The following WDR45B variants were observed in gnomAD, a reference collection of about 807,000 sequenced individuals.
The protein encoded by WDR45B is WD repeat domain phosphoinositide-interacting protein 3.
Under a neutral mutation model 44.6 loss-of-function variants are expected in WDR45B, and 20 were observed. The observed-to-expected ratio is 0.45, with a 90% CI of 0.32 to 0.65. The LOEUF (loss-of-function observed/expected upper bound fraction) is 0.65, where lower values mean the gene tolerates loss of function less well. WDR45B is among the 30% of genes least tolerant of loss of function. The pLI is 0.05. For synonymous variants in WDR45B, 169 were observed against 164.9 expected (o/e 1.02, Z -0.19); for missense variants, 323 against 430.2 (o/e 0.75, Z 2.20).
At chr17:82,621,919 C>A in intron 5 of WDR45B, 120 bp from the exon 6 acceptor site, 1 of 1,134,978 alleles carries the variant, frequency 8.8e-7, no homozygotes, top group Non-Finnish European at 1.3e-6. Flanking sequence ...AATATCAGAA[C>A]CACAAATTCA....
chr17:82,624,704 T>C (rs1225080165), intron 5 of WDR45B, among the ~76,000 whole-genome samples: 4 of 149,170 alleles, frequency 2.7e-5, no homozygotes, highest in African/African-American at 4.9e-5. Context: ...CTGCGACCTC[T>C]ACCTCCTGGG....
rs1253586806 is a variant in WDR45B, at chr17:82,621,621, A to G, written c.606T>C (p.Thr202=). 1.2e-6 allele frequency: 2 copies of G among 1,614,086 alleles called. No homozygotes were observed. Among genetic ancestry groups the G allele is most frequent in the African/African-American group, 2.7e-5 (2 of 74,924 alleles). ...ALNLQGTRIA[T]ASEKGTLIRI... ...GTGGCACACTTACTTTCTCGGATGC[A>G]GTTGCAATTCTTGTTCCCTGCAGGT... Residue 202 remains threonine, a synonymous_variant, in exon 6 of 10, where the codon ACT becomes ACC. Coordinates refer to ENST00000392325, the MANE Select transcript of WDR45B (RefSeq NM_019613.4).
At chr17:82,625,720 G>A (rs2045687408) in intron 4 of WDR45B, 1 of 526,718 alleles carries the variant, frequency 1.9e-6, no homozygotes, top group Non-Finnish European at 3.4e-6. Flanking sequence ...GTCAGCCTAA[G>A]AGACGTCTCT....
At position 82,643,904 on chromosome 17, in the gene WDR45B, G is replaced by A. The variant is rs774279536; in HGVS notation, c.142+45C>T. The A allele has an allele frequency of 3.1e-6, 5 of 1,593,552 alleles. No individual in the cohort carries two copies. In the Admixed American group the frequency reaches 6.8e-5, roughly 22 times the overall value. ...TGCAAGGTTAAATTTAAGACTCCGA[G>A]GGTTGGAAAGGGGAGAAACCAGAAA... On this transcript the variant is annotated intron_variant, in intron 2 of 9. Transcript: ENST00000392325.
At position 82,617,956 on chromosome 17, in the gene WDR45B, T is replaced by G. The variant is rs565652683; in HGVS notation, c.705-559A>C. On this transcript the variant is annotated intron_variant, in intron 7 of 9. Coordinates refer to ENST00000392325, the MANE Select transcript of WDR45B (RefSeq NM_019613.4). ...TCTTTTTTTTTTTTTTGAGACAGAG[T>G]CTCGCTCTCTTGCCCAGGATAGAGC... Among the ~76,000 whole-genome samples the G allele has an allele frequency of 2.1e-4, 31 of 150,190 alleles. No individual in the cohort carries two copies. In the East Asian group the frequency reaches 5.9e-3, roughly 28 times the overall value.
At chr17:82,627,122 T>C in intron 4 of WDR45B, 82 bp downstream of exon 4, 1 of 1,147,184 alleles carries the variant, frequency 8.7e-7, no homozygotes, top group East Asian at 2.3e-5. Context: ...TAAACATTTT[T>C]CTGCCAAAAA....
intron 8 of WDR45B, among the ~76,000 whole-genome samples, 182 bp downstream of exon 8, chr17:82,617,114 G>A (rs2045547629): frequency 6.6e-6 from 1 of 152,206 alleles, no homozygotes; most frequent in East Asian, 1.9e-4. Flanking sequence ...ACTGTGCCCA[G>A]CCTGCACTGA....
intron 5 of WDR45B, among the ~76,000 whole-genome samples, chr17:82,622,164 A>G (rs1232955204): frequency 2.0e-5 from 3 of 152,208 alleles, no homozygotes; most frequent in African/African-American, 7.2e-5. Flanking sequence ...AAGCTGCTCC[A>G]TCAGCAACAG....
At chr17:82,620,205 G>A (rs979341833) in intron 6 of WDR45B, among the ~76,000 whole-genome samples, 26 of 152,182 alleles carry the variant, frequency 1.7e-4, no homozygotes, top group South Asian at 1.0e-3. Flanking sequence ...AGGCTGAGGC[G>A]GGTGGATCAC....
intron 2 of WDR45B, 149 bp from the exon 3 acceptor site, chr17:82,631,171 G>A (rs2143318321): frequency 5.5e-6 from 4 of 723,500 alleles, no homozygotes; most frequent in Non-Finnish European, 9.3e-6. Context: ...AGGCTGGAAT[G>A]CAGTAGCTAT....
chr17:82,623,732 C>T (rs1427187057), intron 5 of WDR45B, among the ~76,000 whole-genome samples: 1 of 151,308 alleles, frequency 6.6e-6, no homozygotes, highest in Non-Finnish European at 1.5e-5. Flanking sequence ...TCTTACATCT[C>T]ATTATAAGAT....
chr17:82,628,931 T>C (rs1184312314), intron 3 of WDR45B, among the ~76,000 whole-genome samples: 1 of 148,202 alleles, frequency 6.7e-6, no homozygotes, highest in Non-Finnish European at 1.5e-5. Flanking sequence ...CCTGGGGAGG[T>C]AGAAGCTGCA....
chr17:82,644,248 T>G, intron 1 of WDR45B: 1 of 578,238 alleles, frequency 1.7e-6, no homozygotes, highest in East Asian at 3.0e-5. Context: ...CTTGGAGTTG[T>G]TCACACAACT....
intron 8 of WDR45B, among the ~76,000 whole-genome samples, chr17:82,616,979 G>C (rs543724357): frequency 6.6e-6 from 1 of 151,564 alleles, no homozygotes; most frequent in Non-Finnish European, 1.5e-5. Flanking sequence ...CACCACGCCC[G>C]GCTAGTTTTT....
At chr17:82,641,260 C>T (rs926604358) in intron 2 of WDR45B, among the ~76,000 whole-genome samples, 9 of 152,120 alleles carry the variant, frequency 5.9e-5, no homozygotes, top group African/African-American at 1.9e-4. Context: ...AGCCACCGTG[C>T]GGGCCGTCAA....
chr17:82,629,435 G>A, intron 3 of WDR45B: 1 of 907,812 alleles, frequency 1.1e-6, no homozygotes, highest in Non-Finnish European at 1.3e-6. Flanking sequence ...CTTCTGGGTG[G>A]GCTCCTCCAG....
Position 82,619,193 on chromosome 17 carries a change from G to T in WDR45B, c.619-65C>A. The T allele has an allele frequency of 2.7e-6, 4 of 1,462,422 alleles. No individual in the cohort carries two copies. In the South Asian group the frequency reaches 3.4e-5, roughly 13 times the overall value. 90.6% of individuals were successfully genotyped at this position (1,462,422 alleles called of 1,614,324 possible). ...AAACTTTTTCGTTAGTTTTTGAAAT[G>T]ACTCACATTCACAAATCCATTAGTC... On this transcript the variant is annotated intron_variant, in intron 6 of 9. Transcript: ENST00000392325.
At chr17:82,647,960 G>A (rs1568020712) in intron 1 of WDR45B, among the ~76,000 whole-genome samples, 1 of 143,570 alleles carries the variant, frequency 7.0e-6, no homozygotes, top group Non-Finnish European at 1.5e-5. Context: ...AGGAGGCTGG[G>A]GTTCTGTGCC....
At position 82,614,766 on chromosome 17, in the gene WDR45B, C is replaced by T. The variant is rs2045507814; in HGVS notation, c.*1153G>A. ...GCAAAACCGAGAACTCGCTGCTATG[C>T]AGGTTTTACATGTTTGCAATCTGAA... is the stretch of plus-strand genomic sequence containing the variant. On this transcript the variant is annotated 3_prime_UTR_variant, in exon 10 of 10. Transcript: ENST00000392325. The T allele has an allele frequency of 6.6e-6, 1 of 152,276 alleles. No homozygotes were observed. The highest frequency in any genetic ancestry group is 2.4e-5 in the African/African-American group (1 of 41,426). The allele number at this position is 152,276 out of a possible 1,614,324, so 9.4% of individuals were successfully genotyped here.
Sources: gnomAD v4.1 joint callset for allele counts (sites outside exome capture counted in the v4.1 genomes callset) on GRCh38, gnomAD v4.1.1 for gene constraint, MANE v1.5 for transcripts, NCBI Gene and HGNC (gene_info 2026-07-23, HGNC 2026-07-21) for gene names.